Variants in MYO1E observed in about 807,000 individuals in gnomAD.
MYO1E encodes unconventional myosin-Ie.
A neutral mutation model predicts 151.1 loss-of-function variants in MYO1E; 68 were observed. That is an observed-to-expected ratio of 0.45 (90% CI 0.37 to 0.55). MYO1E has a LOEUF of 0.55. Ranked by LOEUF, MYO1E falls within the 20% of genes least tolerant of loss-of-function variation. The probability of loss-of-function intolerance (pLI) is 0.00; values close to 1 mark genes in which losing one functional copy is unlikely to be tolerated. For synonymous variants in MYO1E, 601 were observed against 501.7 expected, an observed-to-expected ratio of 1.20 and a Z score of -2.64; for missense variants, 1,363 against 1,389.3, an observed-to-expected ratio of 0.98 and a Z score of 0.30.
chr15:59,187,200 T>C (rs1371159159), intron 18 of MYO1E, among the ~76,000 whole-genome samples: 2 of 152,198 alleles, frequency 1.3e-5, no homozygotes, highest in Non-Finnish European at 2.9e-5. Flanking sequence ...TACTGATTTA[T>C]TCTACAATAA....
chr15:59,133,016 T>G lies in MYO1E; in HGVS notation c.*4364A>C, dbSNP rs1006786668. On this transcript the variant is annotated 3_prime_UTR_variant, in exon 28 of 28. Transcript: ENST00000288235. The stretch of plus-strand genomic sequence containing the variant: ...ACTTTTATGTTCTGAGAGGAAGATA[T>G]TGGAAGTTGAAAGGCTGACACAGTA... The G allele has an allele frequency of 7.2e-5, 11 of 152,232 alleles. No individual in the cohort carries two copies. Among genetic ancestry groups the G allele is most frequent in the African/African-American group, 2.7e-4 (11 of 41,456 alleles). 9.4% of individuals were successfully genotyped at this position (152,232 alleles called of 1,614,324 possible).
chr15:59,175,689 CT>C (rs548865882), intron 19 of MYO1E, among the ~76,000 whole-genome samples: 222 of 152,272 alleles, frequency 1.5e-3, no homozygotes, highest in African/African-American at 5.0e-3. Flanking sequence ...TATTTCTTAT[CT>C]TGTGTATTGG....
chr15:59,137,305 G>A lies in MYO1E; in HGVS notation c.*75C>T. The stretch of plus-strand genomic sequence containing the variant: ...GCAATTGCTCATTGTGGATTGTAAG[G>A]GGAGCCCCTAAATATCCCCTCCCCT... On this transcript the variant is annotated 3_prime_UTR_variant, in exon 28 of 28. Coordinates refer to ENST00000288235, the MANE Select transcript of MYO1E (RefSeq NM_004998.4). The A allele has an allele frequency of 2.3e-6, 3 of 1,307,174 alleles. No homozygotes were observed. The highest frequency in any genetic ancestry group is 2.2e-6 in the Non-Finnish European group (2 of 901,720). The allele number at this position is 1,307,174 out of a possible 1,614,324, so 81.0% of individuals were successfully genotyped here. A position where few individuals can be genotyped will look rare whatever the true frequency, so the allele number is the denominator to read the frequency against.
At chr15:59,314,131 A>G (rs1271432493) in intron 1 of MYO1E, among the ~76,000 whole-genome samples, 4 of 152,154 alleles carry the variant, frequency 2.6e-5, no homozygotes, top group African/African-American at 9.7e-5. Flanking sequence ...CTGTCATTTT[A>G]GGGGTAGCCA....
At chr15:59,225,641 TTTTC>T (rs2079985474) in intron 7 of MYO1E, among the ~76,000 whole-genome samples, 3 of 72,760 alleles carry the variant, frequency 4.1e-5, no homozygotes, top group Admixed American at 2.1e-4. Context: ...TTTTTCTTTC[TTTTC>T]TTTTCTTTTT....
chr15:59,171,649 G>C (rs1198066167), intron 22 of MYO1E, among the ~76,000 whole-genome samples: 4 of 152,168 alleles, frequency 2.6e-5, no homozygotes, highest in African/African-American at 7.2e-5. Context: ...GGTTACAAGA[G>C]ATCTGGGTCC....
intron 1 of MYO1E, among the ~76,000 whole-genome samples, chr15:59,295,542 G>C (rs1179291917): frequency 1.3e-5 from 2 of 152,212 alleles, no homozygotes; most frequent in East Asian, 1.9e-4. Flanking sequence ...AGGTCATGCA[G>C]AAAAACTGTC....
intron 1 of MYO1E, among the ~76,000 whole-genome samples, chr15:59,370,533 C>T (rs766920488): frequency 1.8e-4 from 27 of 152,170 alleles, no homozygotes; most frequent in Non-Finnish European, 3.7e-4. Context: ...CGCCTGGGGG[C>T]ACACAACATG....
At chr15:59,201,942 CA>C (rs1395900349) in intron 16 of MYO1E, among the ~76,000 whole-genome samples, 1 of 152,150 alleles carries the variant, frequency 6.6e-6, no homozygotes, top group Non-Finnish European at 1.5e-5. Flanking sequence ...AGTAACGTTC[CA>C]TAACTGGCAG....
At chr15:59,240,643 C>T (rs1454777141) in intron 4 of MYO1E, among the ~76,000 whole-genome samples, 2 of 152,066 alleles carry the variant, frequency 1.3e-5, no homozygotes, top group Admixed American at 1.3e-4. Flanking sequence ...AAGTAGGATC[C>T]GCTGTTACCA....
chr15:59,279,159 T>G (rs2080338739), intron 1 of MYO1E, among the ~76,000 whole-genome samples: 1 of 152,154 alleles, frequency 6.6e-6, no homozygotes, highest in South Asian at 2.1e-4. Flanking sequence ...CTGACTTCCT[T>G]TTCTCTGCTC....
chr15:59,154,500 T>C (rs921362112), intron 25 of MYO1E, among the ~76,000 whole-genome samples: 8 of 152,234 alleles, frequency 5.3e-5, no homozygotes. Flanking sequence ...ATGCTACGTA[T>C]GAAGAGGCCC....
chr15:59,366,997 CAAAAAAAAA>C (rs66848377), intron 1 of MYO1E, among the ~76,000 whole-genome samples: 3 of 28,628 alleles, frequency 1.0e-4, no homozygotes, highest in African/African-American at 1.5e-4. Flanking sequence ...TGCATTTTCG[CAAAAAAAAA>C]AAAAAAAAAA....
At chr15:59,303,182 C>T (rs1333598653) in intron 1 of MYO1E, among the ~76,000 whole-genome samples, 1 of 152,200 alleles carries the variant, frequency 6.6e-6, no homozygotes, top group Admixed American at 6.5e-5. Flanking sequence ...TAGATGTCAG[C>T]TTGATAAAAT....
chr15:59,205,573 C>T (rs570288526), intron 14 of MYO1E, 88 bp from the exon 15 acceptor site: 232 of 1,303,682 alleles, frequency 1.8e-4, no homozygotes, highest in Non-Finnish European at 2.4e-4. Context: ...AATCTAATTT[C>T]ACCAAACAAA....
At chr15:59,176,135 T>C (rs551297793) in intron 19 of MYO1E, among the ~76,000 whole-genome samples, 37 of 152,314 alleles carry the variant, frequency 2.4e-4, no homozygotes, top group African/African-American at 8.4e-4. Context: ...CTCGGCCCAC[T>C]GCAAGCTCTG....
At chr15:59,221,342 G>A (rs1159231721) in intron 9 of MYO1E, among the ~76,000 whole-genome samples, 1 of 151,982 alleles carries the variant, frequency 6.6e-6, no homozygotes, top group Non-Finnish European at 1.5e-5. Flanking sequence ...AGCAACTGTA[G>A]AACATTGCAG....
chr15:59,140,066 TTGTGTGTGTG>T (rs71425844), intron 26 of MYO1E, among the ~76,000 whole-genome samples: 4 of 150,316 alleles, frequency 2.7e-5, no homozygotes, highest in South Asian at 2.1e-4. Flanking sequence ...GAATTCTCTG[TTGTGTGTGTG>T]TGTGTGTGTG....
chr15:59,209,145 T>C (rs146031255), intron 13 of MYO1E: 25 of 458,928 alleles, frequency 5.4e-5, no homozygotes, highest in African/African-American at 4.7e-4. Flanking sequence ...ATTGACTTGC[T>C]TAAGAATCCA....
Sources: gnomAD v4.1 joint callset for allele counts (sites outside exome capture counted in the v4.1 genomes callset) on GRCh38, gnomAD v4.1.1 for gene constraint, MANE v1.5 for transcripts, NCBI Gene and HGNC (gene_info 2026-07-23, HGNC 2026-07-21) for gene names.